BAG4: variants seen among roughly 807,000 people sequenced by gnomAD.
BAG4 encodes BAG family molecular chaperone regulator 4.
A neutral mutation model predicts 52.1 loss-of-function variants in BAG4; 28 were observed. That is an observed-to-expected ratio of 0.54 (90% CI 0.40 to 0.74). The LOEUF is 0.74. BAG4 is among the 30% of genes least tolerant of loss of function. The pLI is 0.00. For missense variants in BAG4, 525 were observed against 572.0 expected (o/e 0.92, Z 0.84); for synonymous variants, 208 against 217.0 (o/e 0.96, Z 0.37).
At chr8:38,201,002 A>AT (rs1449894278) in intron 2 of BAG4, among the ~76,000 whole-genome samples, 1 of 152,230 alleles carries the variant, frequency 6.6e-6, no homozygotes, top group African/African-American at 2.4e-5. Flanking sequence ...ATAGTCATGA[A>AT]TTATAAGTTA....
At chr8:38,181,442 G>A (rs905584797) in intron 1 of BAG4, among the ~76,000 whole-genome samples, 4 of 150,968 alleles carry the variant, frequency 2.6e-5, no homozygotes, top group Non-Finnish European at 5.9e-5. Flanking sequence ...TGTTTTTTTA[G>A]AGTAAAACTT....
In BAG4 at chr8:38,210,751, A is replaced by T; in HGVS notation, c.*258A>T. 3.2e-6 allele frequency: 1 copy of T among 316,592 alleles called. No individual in the cohort carries two copies. The highest frequency in any genetic ancestry group is 5.6e-6 in the Non-Finnish European group (1 of 177,766). The allele number at this position is 316,592 out of a possible 1,614,324, so 19.6% of individuals were successfully genotyped here. ...GCCAAGTAGACTCACTCCTTAAAAAATTTATGGATATCTACAAGCTGCTTC... is the reference window on the plus strand; with the variant it reads ...GCCAAGTAGACTCACTCCTTAAAAATTTTATGGATATCTACAAGCTGCTTC... On this transcript the variant is annotated 3_prime_UTR_variant, in exon 5 of 5. Coordinates refer to ENST00000287322, the MANE Select transcript of BAG4 (RefSeq NM_004874.4).
chr8:38,194,510 A>T (rs1306957841), intron 2 of BAG4, among the ~76,000 whole-genome samples: 1 of 144,676 alleles, frequency 6.9e-6, no homozygotes, highest in African/African-American at 2.6e-5. Flanking sequence ...TCCGCCTCTC[A>T]GGTTCAAATG....
At chr8:38,190,141 C>A (rs937987708) in intron 1 of BAG4, among the ~76,000 whole-genome samples, 13 of 152,134 alleles carry the variant, frequency 8.5e-5, no homozygotes, top group Non-Finnish European at 1.5e-4. Flanking sequence ...TCACTATCCC[C>A]CAGTTCTTCC....
At chr8:38,200,949 G>T (rs909369637) in intron 2 of BAG4, among the ~76,000 whole-genome samples, 1 of 152,202 alleles carries the variant, frequency 6.6e-6, no homozygotes, top group African/African-American at 2.4e-5. Flanking sequence ...TTGGAGAGTA[G>T]CATGTGTACT....
At chr8:38,179,459 G>A (rs1211551059) in intron 1 of BAG4, among the ~76,000 whole-genome samples, 2 of 151,742 alleles carry the variant, frequency 1.3e-5, no homozygotes, top group Non-Finnish European at 2.9e-5. Context: ...GCCCGGCCAA[G>A]ATTAATTATA....
chr8:38,198,197 A>G (rs1803596910), intron 2 of BAG4, among the ~76,000 whole-genome samples: 1 of 151,184 alleles, frequency 6.6e-6, no homozygotes, highest in Non-Finnish European at 1.5e-5. Flanking sequence ...ATCCTGGCTA[A>G]TATGGTGAAA....
At position 38,207,599 on chromosome 8, in the gene BAG4, T is replaced by G. The variant is rs537081631; in HGVS notation, c.466T>G (p.Tyr156Asp). The G allele has an allele frequency of 2.2e-5, 35 of 1,614,028 alleles. No homozygotes were observed. Among genetic ancestry groups the G allele is most frequent in the Admixed American group, 6.7e-5 (4 of 60,000 alleles). The change falls in exon 3 of 5, where the codon TAT (tyrosine) becomes GAT (aspartate). Residue 156 changes from tyrosine to aspartate, a missense_variant. Transcript: ENST00000287322. ...ANTASYSGAY[Y>D]APGYTQTSYS... ...TACTGCCTCATACTCAGGGGCTTAT[T>G]ATGCACCTGGTTATACTCAGACCAG...
At chr8:38,192,009 G>A (rs1035257660) in intron 1 of BAG4, among the ~76,000 whole-genome samples, 1 of 152,156 alleles carries the variant, frequency 6.6e-6, no homozygotes, top group East Asian at 1.9e-4. Context: ...CTGCATCAAT[G>A]CCTGACACTG....
intron 1 of BAG4, among the ~76,000 whole-genome samples, chr8:38,187,529 TCTC>T (rs1193703895): frequency 6.6e-6 from 1 of 152,208 alleles, no homozygotes; most frequent in African/African-American, 2.4e-5. Context: ...GCTCTTTTCT[TCTC>T]AGATTCTTTA....
At chr8:38,188,852 G>T (rs1233736045) in intron 1 of BAG4, among the ~76,000 whole-genome samples, 1 of 151,998 alleles carries the variant, frequency 6.6e-6, no homozygotes, top group African/African-American at 2.4e-5. Context: ...GGAGTGCAGT[G>T]GCACGATCTT....
chr8:38,203,923 T>C (rs1207795857), intron 2 of BAG4: 1 of 152,200 alleles, frequency 6.6e-6, no homozygotes, highest in Non-Finnish European at 1.5e-5. Flanking sequence ...CCCCCTCCAT[T>C]TTGGGTCTGA....
intron 1 of BAG4, among the ~76,000 whole-genome samples, chr8:38,181,201 T>C (rs1289031378): frequency 1.3e-5 from 2 of 151,606 alleles, no homozygotes; most frequent in African/African-American, 2.4e-5. Flanking sequence ...TTGGCTGGGA[T>C]TACAGGCGTG....
At chr8:38,185,657 C>T (rs974964920) in intron 1 of BAG4, among the ~76,000 whole-genome samples, 10 of 152,176 alleles carry the variant, frequency 6.6e-5, no homozygotes, top group African/African-American at 2.2e-4. Flanking sequence ...CTCCACCTCC[C>T]AGGTTCAAGC....
chr8:38,197,536 T>C (rs1465527018), intron 2 of BAG4, among the ~76,000 whole-genome samples: 1 of 152,230 alleles, frequency 6.6e-6, no homozygotes, highest in Non-Finnish European at 1.5e-5. Flanking sequence ...GAAGTTACTC[T>C]GGGTGAGTCA....
intron 2 of BAG4, among the ~76,000 whole-genome samples, chr8:38,206,792 A>G (rs1018992482): frequency 3.3e-5 from 5 of 151,834 alleles, no homozygotes; most frequent in African/African-American, 1.2e-4. Flanking sequence ...GTTTTCTTAT[A>G]CTTTCTGAGA....
chr8:38,193,829 C>T lies in BAG4; in HGVS notation c.378+1034C>T, dbSNP rs1803518064. Among the ~76,000 whole-genome samples the T allele has an allele frequency of 5.3e-5, 8 of 151,876 alleles. No individual in the cohort carries two copies. In the South Asian group the frequency reaches 1.7e-3, roughly 32 times the overall value. ...TCTTGGCTCATTGCAGCCTCCGCCT[C>T]CTGGGTTCAAGTGATTCTCCTGCTT... is the stretch of plus-strand genomic sequence containing the variant. On this transcript the variant is annotated intron_variant, in intron 2 of 4. Transcript: ENST00000287322.
intron 1 of BAG4, among the ~76,000 whole-genome samples, chr8:38,178,585 G>C (rs912303918): frequency 1.3e-5 from 2 of 152,202 alleles, no homozygotes; most frequent in African/African-American, 4.8e-5. Context: ...ACAAAATATG[G>C]TGTTAATATA....
Position 38,201,362 on chromosome 8 carries a change from A to T in BAG4, c.379-6150A>T, listed in dbSNP as rs565766460. ...ATAGTCTTGCTCTACCACCCAGTTCATTGTAGTGGCATAATCATAGATCAC... is the reference window on the plus strand; with the variant it reads ...ATAGTCTTGCTCTACCACCCAGTTCTTTGTAGTGGCATAATCATAGATCAC... On this transcript the variant is annotated intron_variant, in intron 2 of 4. Transcript: ENST00000287322. Among the ~76,000 whole-genome samples, 30 of 152,154 alleles carry T rather than the reference A, an allele frequency of 2.0e-4. No homozygotes were observed. The South Asian group carries it at 2.1e-3, about 11-fold the overall frequency.
Sources: gnomAD v4.1 joint callset for allele counts (sites outside exome capture counted in the v4.1 genomes callset) on GRCh38, gnomAD v4.1.1 for gene constraint, MANE v1.5 for transcripts, NCBI Gene and HGNC (gene_info 2026-07-23, HGNC 2026-07-21) for gene names.